The following ARSB variants were observed in gnomAD, a reference collection of about 807,000 sequenced individuals.
ARSB encodes the protein N-acetylgalactosamine-4-sulfatase.
A neutral mutation model predicts 50.9 loss-of-function variants in ARSB; 41 were observed. The observed-to-expected ratio is 0.81, with a 90% CI of 0.63 to 1.04. The LOEUF (loss-of-function observed/expected upper bound fraction) is 1.04. Among genes scored for constraint, ARSB ranks in the 50% least tolerant of loss-of-function variants. The pLI, the probability that ARSB is intolerant of heterozygous loss-of-function variation, is 0.00. For synonymous variants in ARSB, 269 were observed against 284.8 expected, an observed-to-expected ratio of 0.94 and a Z score of 0.56; for missense variants, 672 against 693.3, an observed-to-expected ratio of 0.97 and a Z score of 0.35.
Position 78,839,434 on chromosome 5 carries a change from A to C in ARSB, c.1143-8T>G, listed in dbSNP as rs431905496. ...GGGGATGGGCTTCCTTCACTGGAAA[A>C]CAATTTTTAAGGGAATGTTAATTTC... On this transcript the variant is annotated splice_region_variant and splice_polypyrimidine_tract_variant and intron_variant, in intron 5 of 7. Transcript: ENST00000264914. The C allele has an allele frequency of 2.5e-6, 4 of 1,611,972 alleles. No homozygotes were observed. Among genetic ancestry groups the C allele is most frequent in the Admixed American group, 1.7e-5 (1 of 59,974 alleles).
intron 4 of ARSB, among the ~76,000 whole-genome samples, chr5:78,906,061 AGAG>A (rs1435471615): frequency 6.6e-6 from 1 of 152,048 alleles, no homozygotes; most frequent in Non-Finnish European, 1.5e-5. Context: ...GTCTTGGGGT[AGAG>A]TTAAGAAAGA....
At chr5:78,917,247 A>G (rs1182301339) in intron 4 of ARSB, among the ~76,000 whole-genome samples, 1 of 152,234 alleles carries the variant, frequency 6.6e-6, no homozygotes, top group African/African-American at 2.4e-5. Context: ...ACTACAGACT[A>G]TATTCTATAT....
intron 4 of ARSB, among the ~76,000 whole-genome samples, chr5:78,894,519 T>C (rs1748477271): frequency 6.6e-6 from 1 of 152,218 alleles, no homozygotes; most frequent in Non-Finnish European, 1.5e-5. Flanking sequence ...TCTGAAGTTT[T>C]GCCAGATTCT....
At position 78,985,200 on chromosome 5, in the gene ARSB, G is replaced by T; in HGVS notation, c.49C>A (p.Arg17=). The T allele has an allele frequency of 7.2e-7, 1 of 1,388,086 alleles. No homozygotes were observed. Among genetic ancestry groups the T allele is most frequent in the African/African-American group, 1.5e-5 (1 of 66,870 alleles). 86.0% of individuals were successfully genotyped at this position (1,388,086 alleles called of 1,614,324 possible). ...ASLPRGPGPR[R]LLLPVVLPLL... The stretch of plus-strand genomic sequence containing the variant: ...GGGAGGACGACGGGGAGGAGCAGCC[G>T]CCGAGGTCCGGGGCCTCGGGGCAAG... The change falls in exon 1 of 8, where the codon CGG becomes AGG. Residue 17 remains arginine, a synonymous_variant. Coordinates refer to ENST00000264914, the MANE Select transcript of ARSB (RefSeq NM_000046.5).
intron 5 of ARSB, among the ~76,000 whole-genome samples, chr5:78,853,095 G>A (rs1464494025): frequency 2.0e-5 from 3 of 152,200 alleles, no homozygotes; most frequent in Non-Finnish European, 4.4e-5. Context: ...TTCCGTTGCT[G>A]GTGTGGAACT....
chr5:78,853,781 G>T (rs543939013), intron 5 of ARSB, among the ~76,000 whole-genome samples: 13 of 152,340 alleles, frequency 8.5e-5, no homozygotes, highest in Admixed American at 3.9e-4. Flanking sequence ...CCCTCCCCCA[G>T]CCTCGCTGCC....
At chr5:78,983,860 A>C (rs772034331) in intron 1 of ARSB, among the ~76,000 whole-genome samples, 7 of 152,162 alleles carry the variant, frequency 4.6e-5, no homozygotes, top group Non-Finnish European at 8.8e-5. Context: ...GCAACATTCA[A>C]ATATATATCC....
rs867122245 is a variant in ARSB, at chr5:78,885,322, C to T, written c.1142+262G>A. 1.9e-4 allele frequency: 97 copies of T among 502,440 alleles called. No homozygotes were observed. The East Asian group carries it at 2.9e-3, about 15-fold the overall frequency. The allele number at this position is 502,440 out of a possible 1,614,324, so 31.1% of individuals were successfully genotyped here. On this transcript the variant is annotated intron_variant, in intron 5 of 7. Transcript: ENST00000264914. ...CCTAGCCTACTTCTAAGCAAAACGT[C>T]GCAGCTTCAAAGACCTTCCATGGAG...
At chr5:78,881,906 G>C (rs1747764103) in intron 5 of ARSB, among the ~76,000 whole-genome samples, 2 of 152,240 alleles carry the variant, frequency 1.3e-5, no homozygotes, top group South Asian at 4.1e-4. Flanking sequence ...TTAGAATGAA[G>C]ACCCAAAGAT....
chr5:78,875,574 C>T (rs751741126), intron 5 of ARSB, among the ~76,000 whole-genome samples: 2 of 151,904 alleles, frequency 1.3e-5, no homozygotes, highest in Non-Finnish European at 2.9e-5. Flanking sequence ...TGGTATTTGA[C>T]AAGGTGGAGT....
Position 78,911,572 on chromosome 5 carries a change from T to TAAA in ARSB, c.899-25748_899-25746dup, listed in dbSNP as rs71001137. Among the ~76,000 whole-genome samples, 40 of 67,850 alleles carry TAAA rather than the reference T, an allele frequency of 5.9e-4. 2 individuals carry two copies. Among genetic ancestry groups the TAAA allele is most frequent in the South Asian group, 2.4e-3 (4 of 1,666 alleles). The allele number at this position is 67,850 out of a possible 152,430, so 44.5% of individuals were successfully genotyped here. On this transcript the variant is annotated intron_variant, in intron 4 of 7. Coordinates refer to ENST00000264914, the MANE Select transcript of ARSB (RefSeq NM_000046.5). ...CTGGGGAACAGAGTGAGACTCCCTCTAAAAAAAAAAAAAAAAAAAAAAAAA... is the reference window on the plus strand; with the variant it reads ...CTGGGGAACAGAGTGAGACTCCCTCTAAAAAAAAAAAAAAAAAAAAAAAAAAAA...
rs556970484 is a variant in ARSB at position 78,942,561 on chromosome 5, G to A, written c.898+12734C>T. Reference sequence around the variant, plus strand: ...ATGTACCCAGTAGTCACTCAGGAGCGGGTTGTTCGGTTTCCATGTAGTTGA... The same window carrying A: ...ATGTACCCAGTAGTCACTCAGGAGCAGGTTGTTCGGTTTCCATGTAGTTGA... On this transcript the variant is annotated intron_variant, in intron 4 of 7. Transcript: ENST00000264914. Among the ~76,000 whole-genome samples, 183 of 152,160 alleles carry A rather than the reference G, an allele frequency of 1.2e-3. 1 individual carries two copies. The highest frequency in any genetic ancestry group is 4.2e-3 in the African/African-American group (176 of 41,516).
chr5:78,835,514 G>A lies in ARSB; in HGVS notation c.1213+3842C>T, dbSNP rs563425179. 2.6e-5 allele frequency among the ~76,000 whole-genome samples: 4 copies of A among 152,276 alleles called. No homozygotes were observed. The East Asian group carries it at 5.8e-4, about 22-fold the overall frequency. ...AGGAGATAGAAAAGCGGATCGATAC[G>A]GTGATGTTTCGGAACGGAAATCAGA... On this transcript the variant is annotated intron_variant, in intron 6 of 7. Transcript: ENST00000264914.
chr5:78,928,305 C>CTTTTTTTTTTTT (rs34737292), intron 4 of ARSB, among the ~76,000 whole-genome samples: 1 of 72,574 alleles, frequency 1.4e-5, no homozygotes, highest in Non-Finnish European at 2.6e-5. Flanking sequence ...TTTGCTTTTG[C>CTTTTTTTTTTTT]TTTTTTTTTT....
intron 6 of ARSB, among the ~76,000 whole-genome samples, chr5:78,832,609 T>G (rs1334492558): frequency 6.6e-6 from 1 of 152,056 alleles, no homozygotes; most frequent in Non-Finnish European, 1.5e-5. Flanking sequence ...GACTCTTGGA[T>G]CTCAAGCATG....
At chr5:78,901,835 A>T (rs1412876862) in intron 4 of ARSB, among the ~76,000 whole-genome samples, 1 of 152,228 alleles carries the variant, frequency 6.6e-6, no homozygotes, top group Non-Finnish European at 1.5e-5. Flanking sequence ...ACCACTTTAT[A>T]CCCAATAGGA....
At position 78,839,357 on chromosome 5, in the gene ARSB, C is replaced by T. The variant is rs143071401; in HGVS notation, c.1212G>A (p.Pro404=). The T allele has an allele frequency of 1.1e-5, 18 of 1,613,194 alleles. No homozygotes were observed. Among genetic ancestry groups the T allele is most frequent in the African/African-American group, 2.7e-5 (2 of 74,872 alleles). The change falls in exon 6 of 8, where the codon CCG becomes CCA. Residue 404 remains proline, a splice_region_variant and synonymous_variant. Transcript: ENST00000264914. ...NIDPNFVDSS[P]CPRNSMAPAK... ...TAGTAGCAATGCACTGGTACTCACA[C>T]GGTGAAGAGTCCACGAAGTTCGGGT...
chr5:78,861,996 A>G (rs1314324201), intron 5 of ARSB, among the ~76,000 whole-genome samples: 5 of 152,130 alleles, frequency 3.3e-5, no homozygotes, highest in South Asian at 2.1e-4. Flanking sequence ...ACCAAATCAC[A>G]ACTGAACTCC....
intron 1 of ARSB, among the ~76,000 whole-genome samples, 164 bp downstream of exon 1, chr5:78,984,773 C>T (rs1210801591): frequency 6.6e-6 from 1 of 151,946 alleles, no homozygotes; most frequent in Non-Finnish European, 1.5e-5. Flanking sequence ...GGGCTGCCGG[C>T]CTGGAAGAGC....
Sources: gnomAD v4.1 joint callset for allele counts (sites outside exome capture counted in the v4.1 genomes callset) on GRCh38, gnomAD v4.1.1 for gene constraint, MANE v1.5 for transcripts, NCBI Gene and HGNC (gene_info 2026-07-23, HGNC 2026-07-21) for gene names.